Variants in SLC7A14 observed in about 807,000 individuals in gnomAD.
SLC7A14 encodes the protein solute carrier family 7 member 14.
Under a neutral mutation model 60.2 loss-of-function variants are expected in SLC7A14, and 37 were observed. The observed-to-expected ratio is 0.61, with a 90% CI of 0.47 to 0.81. The LOEUF (loss-of-function observed/expected upper bound fraction) is 0.81. Among genes scored for constraint, SLC7A14 ranks in the 30% least tolerant of loss-of-function variants. The probability of loss-of-function intolerance (pLI) is 0.00; values close to 1 mark genes in which losing one functional copy is unlikely to be tolerated. For missense variants in SLC7A14, 886 were observed against 982.7 expected (o/e 0.90, Z 1.32); for synonymous variants, 399 against 395.8 (o/e 1.01, Z -0.10).
intron 1 of SLC7A14, among the ~76,000 whole-genome samples, chr3:170,571,605 A>C (rs1714957219): frequency 6.6e-6 from 1 of 152,234 alleles, no homozygotes; most frequent in East Asian, 1.9e-4. Context: ...ATTGTTTAGC[A>C]ACATTACTCA....
intron 7 of SLC7A14, among the ~76,000 whole-genome samples, chr3:170,476,481 G>A (rs1711620422): frequency 6.6e-6 from 1 of 152,190 alleles, no homozygotes; most frequent in Non-Finnish European, 1.5e-5. Context: ...TCAGCGAGTA[G>A]CAGTTTCTGG....
Sources: allele counts gnomAD v4.1 joint callset (sites outside exome capture counted in the v4.1 genomes callset), GRCh38; gene constraint gnomAD v4.1.1; transcripts MANE v1.5; gene names NCBI Gene and HGNC (gene_info 2026-07-23, HGNC 2026-07-21).